Variants in CEP170 observed in about 807,000 individuals in gnomAD.
CEP170 encodes centrosomal protein 170.
Under a neutral mutation model 151.9 loss-of-function variants are expected in CEP170, and 21 were observed. The ratio of observed to expected loss-of-function variants is 0.14; its 90% CI spans 0.10 to 0.20. The LOEUF (loss-of-function observed/expected upper bound fraction) is 0.20. Among genes scored for constraint, CEP170 ranks in the 10% least tolerant of loss-of-function variants. The pLI, the probability that CEP170 is intolerant of heterozygous loss-of-function variation, is 1.00. For synonymous variants in CEP170, 356 were observed against 648.8 expected, an observed-to-expected ratio of 0.55 and a Z score of 6.86; for missense variants, 964 against 1,892.9, an observed-to-expected ratio of 0.51 and a Z score of 9.11.
chr1:243,214,838 T>C (rs1206324820), intron 3 of CEP170, among the ~76,000 whole-genome samples: 2 of 152,210 alleles, frequency 1.3e-5, no homozygotes, highest in African/African-American at 4.8e-5. Context: ...TCATGTCTAA[T>C]TTTTTATTAA....
chr1:243,149,686 C>T (rs2056877426), intron 14 of CEP170, among the ~76,000 whole-genome samples: 1 of 152,146 alleles, frequency 6.6e-6, no homozygotes. Flanking sequence ...CAAAGCTCAC[C>T]TCCAATTACA....
chr1:243,128,245 T>G lies in CEP170; in HGVS notation c.4465+4A>C, dbSNP rs781012733. Reference sequence around the variant, plus strand: ...CTTTATACTTAATTCAGTAGTAAATTTACCTTGCAGCTGCTTTTCTACTCT... The same window carrying G: ...CTTTATACTTAATTCAGTAGTAAATGTACCTTGCAGCTGCTTTTCTACTCT... On this transcript the variant is annotated splice_donor_region_variant and intron_variant, in intron 19 of 19. Coordinates refer to ENST00000366542, the MANE Select transcript of CEP170 (RefSeq NM_014812.3). 1.3e-5 allele frequency: 21 copies of G among 1,585,820 alleles called. No homozygotes were observed. In the East Asian group the frequency reaches 4.4e-4, roughly 33 times the overall value.
At chr1:243,133,690 T>C (rs2054693196) in intron 17 of CEP170, among the ~76,000 whole-genome samples, 8 of 152,124 alleles carry the variant, frequency 5.3e-5, no homozygotes, top group Admixed American at 3.3e-4. Context: ...TCTCTGGCCA[T>C]AGGATATATT....
At chr1:243,224,143 T>C (rs957644170) in intron 2 of CEP170, among the ~76,000 whole-genome samples, 1 of 152,238 alleles carries the variant, frequency 6.6e-6, no homozygotes, top group African/African-American at 2.4e-5. Flanking sequence ...CCCATTTGGA[T>C]ATTTCAATGA....
intron 1 of CEP170, among the ~76,000 whole-genome samples, chr1:243,232,777 AAC>A (rs148003700): frequency 0.023 from 3,573 of 152,310 alleles, 77 homozygotes; most frequent in Non-Finnish European, 0.041. Context: ...GTGTTACTAG[AAC>A]AACAGGAGGT....
At chr1:243,140,881 T>C (rs1413803161) in intron 15 of CEP170, among the ~76,000 whole-genome samples, 1 of 152,216 alleles carries the variant, frequency 6.6e-6, no homozygotes, top group Non-Finnish European at 1.5e-5. Context: ...GCTGAGAAAA[T>C]AATATCTTCA....
chr1:243,228,968 C>T (rs1224208261), intron 1 of CEP170, among the ~76,000 whole-genome samples: 1 of 152,208 alleles, frequency 6.6e-6, no homozygotes, highest in Non-Finnish European at 1.5e-5. Flanking sequence ...GACCCTGAGT[C>T]CACTTACAGC....
intron 1 of CEP170, among the ~76,000 whole-genome samples, chr1:243,247,538 G>T (rs2065529862): frequency 1.3e-5 from 2 of 152,130 alleles, no homozygotes; most frequent in African/African-American, 2.4e-5. Context: ...ATTTTTAGTA[G>T]AGACGGGGTT....
At chr1:243,176,628 T>C (rs2059273470) in intron 10 of CEP170, 1 of 216,716 alleles carries the variant, frequency 4.6e-6, no homozygotes, top group Non-Finnish European at 9.8e-6. Flanking sequence ...CATTTCACTT[T>C]GGGATTTCAA....
At chr1:243,213,341 T>C (rs2061986358) in intron 3 of CEP170, among the ~76,000 whole-genome samples, 1 of 152,150 alleles carries the variant, frequency 6.6e-6, no homozygotes, top group African/African-American at 2.4e-5. Context: ...GGAGATAAAA[T>C]CTTTATACAT....
intron 1 of CEP170, among the ~76,000 whole-genome samples, chr1:243,249,777 CT>C (rs2065767514): frequency 6.6e-6 from 1 of 152,160 alleles, no homozygotes; most frequent in Non-Finnish European, 1.5e-5. Context: ...TAATGGTTTT[CT>C]CTTTAATTTA....
At chr1:243,164,163 CT>C (rs2148532239) in intron 13 of CEP170, 120 bp downstream of exon 13, 8 of 1,242,496 alleles carry the variant, frequency 6.4e-6, no homozygotes, top group Non-Finnish European at 8.2e-6. Context: ...TATATCATAA[CT>C]TTTGTTTTGA....
chr1:243,225,855 T>C (rs900035116), intron 1 of CEP170, among the ~76,000 whole-genome samples: 1 of 151,972 alleles, frequency 6.6e-6, no homozygotes, highest in African/African-American at 2.4e-5. Flanking sequence ...ATGTACTTTA[T>C]TGTCTTAATA....
intron 1 of CEP170, among the ~76,000 whole-genome samples, chr1:243,254,187 A>AAAATAAATAAATAAATAAATAAATAAAT (rs139268057): frequency 6.7e-6 from 1 of 148,676 alleles, no homozygotes; most frequent in African/African-American, 2.5e-5. Flanking sequence ...TACATTCCTC[A>AAAATAAATAAATAAATAAATAAATAAAT]AAATAAATAA....
At chr1:243,216,022 G>GTAAA (rs2062247815) in intron 3 of CEP170, among the ~76,000 whole-genome samples, 1 of 151,410 alleles carries the variant, frequency 6.6e-6, no homozygotes, top group South Asian at 2.1e-4. Context: ...GATACAGATG[G>GTAAA]TAAATGGTGA....
chr1:243,198,560 T>G (rs2060810927), intron 7 of CEP170, among the ~76,000 whole-genome samples: 1 of 152,080 alleles, frequency 6.6e-6, no homozygotes, highest in South Asian at 2.1e-4. Context: ...TAATCTCAGC[T>G]CCTCGGGAGG....
chr1:243,249,234 T>C (rs1352929446), intron 1 of CEP170, among the ~76,000 whole-genome samples: 2 of 152,024 alleles, frequency 1.3e-5, no homozygotes, highest in Admixed American at 6.6e-5. Flanking sequence ...AAGACCAGCC[T>C]TGGCAACATA....
intron 3 of CEP170, among the ~76,000 whole-genome samples, chr1:243,212,857 G>A (rs2061945068): frequency 6.6e-6 from 1 of 151,942 alleles, no homozygotes. Flanking sequence ...TAGAGACAAG[G>A]TCTCCCTATG....
At chr1:243,211,016 A>G (rs2061753759) in intron 4 of CEP170, among the ~76,000 whole-genome samples, 1 of 151,882 alleles carries the variant, frequency 6.6e-6, no homozygotes, top group African/African-American at 2.4e-5. Flanking sequence ...TTTTTCTGCT[A>G]CGGTGACAAA....
Sources: gnomAD v4.1 joint callset for allele counts (sites outside exome capture counted in the v4.1 genomes callset) on GRCh38, gnomAD v4.1.1 for gene constraint, MANE v1.5 for transcripts, NCBI Gene and HGNC (gene_info 2026-07-23, HGNC 2026-07-21) for gene names.